ROBO2: variants seen among roughly 807,000 people sequenced by gnomAD.
The protein encoded by ROBO2 is roundabout guidance receptor 2.
In ROBO2, 53 loss-of-function variants were observed where a neutral mutation model predicts 160.8. That is an observed-to-expected ratio of 0.33 (90% confidence interval 0.26 to 0.41). The LOEUF is 0.41. Among genes scored for constraint, ROBO2 ranks in the 10% least tolerant of loss-of-function variants. The probability of loss-of-function intolerance (pLI) is 1.00; values close to 1 mark genes in which losing one functional copy is unlikely to be tolerated. For synonymous variants in ROBO2, 664 were observed against 611.7 expected (o/e 1.09, Z -1.26); for missense variants, 1,577 against 1,722.4 (o/e 0.92, Z 1.49).
At chr3:77,549,480 A>G (rs987005425) in intron 7 of ROBO2, among the ~76,000 whole-genome samples, 102 of 152,018 alleles carry the variant, frequency 6.7e-4, no homozygotes, top group Non-Finnish European at 3.5e-4. Flanking sequence ...ATAATAGTAC[A>G]CATTTTATAA....
intron 2 of ROBO2, among the ~76,000 whole-genome samples, chr3:77,379,507 A>G (rs907718765): frequency 2.6e-5 from 4 of 152,216 alleles, no homozygotes; most frequent in Admixed American, 2.6e-4. Context: ...GTCTAACTTA[A>G]TACGTCAGTA....
chr3:77,433,457 T>C (rs2153543894), intron 2 of ROBO2, among the ~76,000 whole-genome samples: 1 of 141,160 alleles, frequency 7.1e-6, no homozygotes, highest in East Asian at 2.1e-4. Flanking sequence ...CCCTGCACGC[T>C]AAGGATTTTC....
At chr3:77,189,894 T>G (rs35682624) in intron 2 of ROBO2, among the ~76,000 whole-genome samples, 39,677 of 151,668 alleles carry the variant, frequency 0.26, 5,471 homozygotes, top group African/African-American at 0.32. Context: ...ATAAAGAGAT[T>G]AAGGAGTTCA....
At chr3:77,338,599 A>G (rs1476504134) in intron 2 of ROBO2, among the ~76,000 whole-genome samples, 4 of 152,158 alleles carry the variant, frequency 2.6e-5, no homozygotes, top group African/African-American at 7.2e-5. Flanking sequence ...TTTTAATGGC[A>G]AACATAGGTC....
At chr3:76,581,664 G>T (rs1285174191) in intron 2 of ROBO2, among the ~76,000 whole-genome samples, 1 of 152,022 alleles carries the variant, frequency 6.6e-6, no homozygotes, top group Non-Finnish European at 1.5e-5. Flanking sequence ...AGCCATGGCG[G>T]TAATGGAGAA....
At chr3:76,219,494 C>A (rs533787286) in intron 2 of ROBO2, among the ~76,000 whole-genome samples, 1 of 152,266 alleles carries the variant, frequency 6.6e-6, no homozygotes, top group East Asian at 1.9e-4. Context: ...AAACAAACAA[C>A]CCCATCAAAA....
At chr3:76,577,149 A>C (rs2085359721) in intron 2 of ROBO2, among the ~76,000 whole-genome samples, 1 of 152,120 alleles carries the variant, frequency 6.6e-6, no homozygotes, top group Admixed American at 6.6e-5. Flanking sequence ...TAATTGTTAG[A>C]GAACAAATCT....
Position 76,693,626 on chromosome 3 carries a change from C to G in ROBO2, c.110-404388C>G, listed in dbSNP as rs145427968. Among the ~76,000 whole-genome samples, 278 of 152,128 alleles carry G rather than the reference C, an allele frequency of 1.8e-3. 1 individual carries two copies. The highest frequency in any genetic ancestry group is 0.01 in the Middle Eastern group (3 of 294). On this transcript the variant is annotated intron_variant, in intron 2 of 26. Transcript: ENST00000487694. ...AGCGAAGCCATGACATAGCGCAGTC[C>G]AAGTCTGAAGGCCTGAGAACAAGAG...
Position 76,173,168 on chromosome 3 carries a change from T to C in ROBO2, c.109+235566T>C, listed in dbSNP as rs188137921. ...ATACAAAATTCTTTGAATCCACTTT[T>C]ATTCATCTTCATAAGCTGTTGTAAG... is the stretch of plus-strand genomic sequence containing the variant. On this transcript the variant is annotated intron_variant, in intron 2 of 26. Transcript: ENST00000487694. Among the ~76,000 whole-genome samples, 5 of 128,752 alleles carry C rather than the reference T, an allele frequency of 3.9e-5. No homozygotes were observed. The Admixed American group carries it at 4.1e-4, about 11-fold the overall frequency. 84.5% of individuals were successfully genotyped at this position (128,752 alleles called of 152,430 possible).
intron 6 of ROBO2, among the ~76,000 whole-genome samples, chr3:77,529,423 T>C (rs2091457178): frequency 6.6e-6 from 1 of 151,738 alleles, no homozygotes; most frequent in South Asian, 2.1e-4. Flanking sequence ...CGGCAGCAGT[T>C]GTACTTATAA....
chr3:77,001,057 T>A (rs987414479), intron 2 of ROBO2, among the ~76,000 whole-genome samples: 2 of 152,174 alleles, frequency 1.3e-5, no homozygotes, highest in Admixed American at 6.6e-5. Flanking sequence ...AATTTCTAGA[T>A]ACAAGCACCA....
chr3:77,373,098 TATA>T lies in ROBO2; in HGVS notation c.389-104312_389-104310del, dbSNP rs1292952838. 5.4e-5 allele frequency among the ~76,000 whole-genome samples: 8 copies of T among 146,884 alleles called. No individual in the cohort carries two copies. In the South Asian group the frequency reaches 6.3e-4, roughly 12 times the overall value. On this transcript the variant is annotated intron_variant, in intron 2 of 25. Transcript: ENST00000461745. ...TAAAATTATTATAAAATAATTAAAA[TATA>T]ATATTTTAAAATTATTATAAAAGTT...
chr3:77,473,368 C>G (rs1434070326), intron 2 of ROBO2, among the ~76,000 whole-genome samples: 1 of 150,894 alleles, frequency 6.6e-6, no homozygotes, highest in African/African-American at 2.4e-5. Flanking sequence ...TCTATCGGCA[C>G]AGCTGCGGCA....
chr3:76,150,334 A>G lies in ROBO2; in HGVS notation c.109+212732A>G, dbSNP rs533192333. ...CACACATCATCTGTCTAAAACACAT[A>G]TCTGTCTAAAGCACACATCTGTCTA... is the stretch of plus-strand genomic sequence containing the variant. On this transcript the variant is annotated intron_variant, in intron 2 of 26. Coordinates refer to the ROBO2 transcript ENST00000487694. 1.1e-4 allele frequency among the ~76,000 whole-genome samples: 16 copies of G among 148,268 alleles called. No individual in the cohort carries two copies. The South Asian group carries it at 3.4e-3, about 31-fold the overall frequency.
intron 2 of ROBO2, among the ~76,000 whole-genome samples, chr3:77,232,750 G>A (rs1211460389): frequency 6.6e-6 from 1 of 151,918 alleles, no homozygotes; most frequent in Non-Finnish European, 1.5e-5. Flanking sequence ...CTTGTACTTT[G>A]GTAAGTTATA....
intron 2 of ROBO2, among the ~76,000 whole-genome samples, chr3:76,750,183 C>T (rs1002321918): frequency 5.9e-5 from 9 of 151,932 alleles, no homozygotes; most frequent in Non-Finnish European, 2.9e-5. Context: ...ATAAACAGAA[C>T]CAAAGAAAAA....
At chr3:77,522,018 A>G (rs185574027) in intron 5 of ROBO2, among the ~76,000 whole-genome samples, 2 of 151,406 alleles carry the variant, frequency 1.3e-5, no homozygotes, top group Admixed American at 1.3e-4. Flanking sequence ...ATCACATGTG[A>G]AAAAAATGAT....
chr3:76,724,171 T>C (rs1444282637), intron 2 of ROBO2, among the ~76,000 whole-genome samples: 1 of 152,132 alleles, frequency 6.6e-6, no homozygotes, highest in East Asian at 1.9e-4. Context: ...GTTTTAGCAT[T>C]CTCCTGTCTT....
intron 2 of ROBO2, among the ~76,000 whole-genome samples, chr3:76,400,989 C>G (rs1373184689): frequency 2.0e-5 from 3 of 151,556 alleles, no homozygotes; most frequent in African/African-American, 4.8e-5. Flanking sequence ...ATCTCTGGCT[C>G]TCTTGCTGCT....
Sources: gnomAD v4.1 joint callset for allele counts (sites outside exome capture counted in the v4.1 genomes callset) on GRCh38, gnomAD v4.1.1 for gene constraint, MANE v1.5 for transcripts, NCBI Gene and HGNC (gene_info 2026-07-23, HGNC 2026-07-21) for gene names.